MPRIP: variants seen among roughly 807,000 people sequenced by gnomAD.
MPRIP encodes myosin phosphatase Rho interacting protein.
Under a neutral mutation model 234.9 loss-of-function variants are expected in MPRIP, and 59 were observed. The observed-to-expected ratio is 0.25, with a 90% CI of 0.20 to 0.31. The LOEUF (loss-of-function observed/expected upper bound fraction) is 0.31. MPRIP is among the 10% of genes least tolerant of loss of function. The probability of loss-of-function intolerance (pLI) is 1.00; values close to 1 mark genes in which losing one functional copy is unlikely to be tolerated. For missense variants in MPRIP, 2,436 were observed against 3,071.0 expected (o/e 0.79, Z 4.89); for synonymous variants, 1,144 against 1,263.9 (o/e 0.91, Z 2.01).
rs1365619245 is a variant in MPRIP, at chr17:17,080,902, TC to T, written c.267+2827del. Among the ~76,000 whole-genome samples, 4 of 152,022 alleles carry T rather than the reference TC, an allele frequency of 2.6e-5. No individual in the cohort carries two copies. In the East Asian group the frequency reaches 7.7e-4, roughly 29 times the overall value. The stretch of plus-strand genomic sequence containing the variant: ...TGGGCCTGTTTCTGATCTAGAGAGG[TC>T]TACGGGGTTCCCCTGCACACCAGGC... On this transcript the variant is annotated intron_variant, in intron 3 of 23. Transcript: ENST00000651222.
At chr17:17,050,855 C>T (rs116759745) in intron 1 of MPRIP, among the ~76,000 whole-genome samples, 306 of 152,310 alleles carry the variant, frequency 2.0e-3, no homozygotes, top group African/African-American at 6.8e-3. Context: ...GGCAGGCTGG[C>T]GTATCCCCCT....
chr17:17,076,021 G>T, intron 2 of MPRIP: 2 of 480,278 alleles, frequency 4.2e-6, no homozygotes, highest in Non-Finnish European at 7.4e-6. Context: ...GGTGTTGCCT[G>T]TTTTGTGGGT....
At chr17:17,049,870 A>T (rs1472130933) in intron 1 of MPRIP, among the ~76,000 whole-genome samples, 1 of 152,192 alleles carries the variant, frequency 6.6e-6, no homozygotes, top group African/African-American at 2.4e-5. Context: ...GGAAATTTTA[A>T]ATTTTCCAGC....
chr17:17,155,738 C>G (rs552644821), intron 13 of MPRIP, among the ~76,000 whole-genome samples: 23 of 152,380 alleles, frequency 1.5e-4, no homozygotes, highest in Middle Eastern at 6.8e-3. Context: ...AGGTTGCCCT[C>G]TGTCTCTCAG....
intron 22 of MPRIP, chr17:17,179,698 C>T: frequency 3.6e-6 from 1 of 275,040 alleles, no homozygotes; most frequent in Non-Finnish European, 6.8e-6. Context: ...ATTGAGGTCC[C>T]ACACCAGAGT....
intron 3 of MPRIP, among the ~76,000 whole-genome samples, chr17:17,087,261 T>G (rs1015902625): frequency 6.6e-6 from 1 of 151,974 alleles, no homozygotes; most frequent in Admixed American, 6.6e-5. Flanking sequence ...GAACCACAGA[T>G]GTGGACAAGC....
chr17:17,166,141 A>C lies in MPRIP; in HGVS notation c.4550A>C (p.Gln1517Pro). The C allele has an allele frequency of 7.7e-7, 1 of 1,302,114 alleles. No individual in the cohort carries two copies. Among genetic ancestry groups the C allele is most frequent in the Non-Finnish European group, 1.0e-6 (1 of 987,700 alleles). 80.7% of individuals were successfully genotyped at this position (1,302,114 alleles called of 1,614,324 possible). A position where few individuals can be genotyped will look rare whatever the true frequency, so the allele number is the denominator to read the frequency against. ...GAGAGTGCACTCGTCAGCGCCATCC[A>C]AGCCCTGCAGCACTGGCCGGCCCCA... ...SVESALVSAI[Q>P]ALQHWPAPAH... Residue 1517 changes from glutamine (Q) to proline (P), a missense_variant, in exon 16 of 24, where the codon CAA becomes CCA. Gln to Pro is a moderately conservative substitution (Grantham distance 76). Coordinates refer to ENST00000651222, the MANE Select transcript of MPRIP (RefSeq NM_001364716.4). This position sits in a 1 kb window ranked among gnomAD's most constrained non-coding sequence, Gnocchi z 4.4.
intron 4 of MPRIP, among the ~76,000 whole-genome samples, chr17:17,131,367 C>T (rs1322073257): frequency 6.6e-6 from 1 of 152,230 alleles, no homozygotes; most frequent in African/African-American, 2.4e-5. Context: ...AGTTACACAT[C>T]CTATGCTCTG....
chr17:17,191,813 AC>A lies in MPRIP; in HGVS notation c.*6920del, dbSNP rs2046592373. The stretch of plus-strand genomic sequence containing the variant: ...AGAACACTCAGTTCACTACTGTGTT[AC>A]ATTTATATCACAAGCTTCAATTAAA... On this transcript the variant is annotated 3_prime_UTR_variant, in exon 24 of 24. Transcript: ENST00000651222. 2 of 152,256 alleles carry A rather than the reference AC, an allele frequency of 1.3e-5. No homozygotes were observed. The highest frequency in any genetic ancestry group is 4.1e-4 in the South Asian group (2 of 4,838). 9.4% of individuals were successfully genotyped at this position (152,256 alleles called of 1,614,324 possible). A position where few individuals can be genotyped will look rare whatever the true frequency, so the allele number is the denominator to read the frequency against.
At chr17:17,174,248 G>A (rs763702345) in intron 19 of MPRIP, among the ~76,000 whole-genome samples, 173 bp downstream of exon 19, 14 of 152,254 alleles carry the variant, frequency 9.2e-5, no homozygotes, top group East Asian at 1.9e-4. Context: ...CTGCCACCCA[G>A]CGTGGCCATC....
rs4985736 is a variant in MPRIP at position 17,130,780 on chromosome 17, G to A, written c.420-837G>A. On this transcript the variant is annotated intron_variant, in intron 4 of 23. Transcript: ENST00000651222. ...ACTGCCCTCCGCTCCTCCCACCCCC[G>A]TCGTCTAGCCCCCACAGGACTGACA... Among the ~76,000 whole-genome samples, 1,008 of 152,138 alleles carry A rather than the reference G, an allele frequency of 6.6e-3. 15 individuals carry two copies. The highest frequency in any genetic ancestry group is 0.024 in the African/African-American group (979 of 41,496).
chr17:17,078,117 C>A lies in MPRIP; in HGVS notation c.267+41C>A. 6.3e-7 allele frequency: 1 copy of A among 1,599,048 alleles called. No individual in the cohort carries two copies. Among genetic ancestry groups the A allele is most frequent in the African/African-American group, 1.3e-5 (1 of 74,718 alleles). ...GCCCACTCCCTGTCCCCAGCCTTCA[C>A]CAAGTCCCTCCATTACAGTGCCCTT... On this transcript the variant is annotated intron_variant, in intron 3 of 23. Coordinates refer to ENST00000651222, the MANE Select transcript of MPRIP (RefSeq NM_001364716.4). The surrounding 1 kb of genome is among the most constrained non-coding windows in gnomAD (Gnocchi z 4.3).
At chr17:17,052,147 A>G (rs983686892) in intron 1 of MPRIP, among the ~76,000 whole-genome samples, 31 of 152,316 alleles carry the variant, frequency 2.0e-4, no homozygotes, top group East Asian at 1.5e-3. Context: ...CTGCTCAGCA[A>G]TGGGGCCGTG....
intron 3 of MPRIP, among the ~76,000 whole-genome samples, chr17:17,114,212 T>G (rs749357536): frequency 1.8e-4 from 27 of 152,324 alleles, no homozygotes; most frequent in Non-Finnish European, 3.5e-4. Context: ...TTTTTATGTG[T>G]GTCTTGGCCA....
At position 17,078,290 on chromosome 17, in the gene MPRIP, AGTG is replaced by A. The variant is rs2089382822; in HGVS notation, c.267+215_267+217del. ...TGAAACATCATCTTCTGTGGTCTTGAGTGAGAGGAAGAAGTGAGGGAGGAAGTC... is the reference window on the plus strand; with the variant it reads ...TGAAACATCATCTTCTGTGGTCTTGAAGAGGAAGAAGTGAGGGAGGAAGTC... On this transcript the variant is annotated intron_variant, in intron 3 of 23. Coordinates refer to ENST00000651222, the MANE Select transcript of MPRIP (RefSeq NM_001364716.4). This position sits in a 1 kb window ranked among gnomAD's most constrained non-coding sequence, Gnocchi z 4.3. 7.2e-6 allele frequency among the ~76,000 whole-genome samples: 1 copy of A among 139,468 alleles called. No individual in the cohort carries two copies. Among genetic ancestry groups the A allele is most frequent in the African/African-American group, 3.3e-5 (1 of 30,486 alleles). 91.5% of individuals were successfully genotyped at this position (139,468 alleles called of 152,430 possible).
chr17:17,132,768 C>T (rs1282997744), intron 5 of MPRIP, among the ~76,000 whole-genome samples: 1 of 152,208 alleles, frequency 6.6e-6, no homozygotes, highest in Non-Finnish European at 1.5e-5. Context: ...GTGGGGGACA[C>T]CCAAGCCAAC....
At chr17:17,146,686 A>G (rs1042540884) in intron 10 of MPRIP, among the ~76,000 whole-genome samples, 1 of 152,224 alleles carries the variant, frequency 6.6e-6, no homozygotes, top group Non-Finnish European at 1.5e-5. Context: ...GGAGGCATGA[A>G]GAAAAGCCTG....
At chr17:17,084,026 C>T (rs560607606) in intron 3 of MPRIP, among the ~76,000 whole-genome samples, 1 of 152,214 alleles carries the variant, frequency 6.6e-6, no homozygotes, top group Non-Finnish European at 1.5e-5. Context: ...TCTAACCACT[C>T]CATTTGAGAA....
At chr17:17,140,601 C>T (rs1017234255) in intron 7 of MPRIP, among the ~76,000 whole-genome samples, 1 of 152,206 alleles carries the variant, frequency 6.6e-6, no homozygotes. Context: ...ATGGCAGCCA[C>T]AATAGGTGTG....
Sources: gnomAD v4.1 joint callset for allele counts (sites outside exome capture counted in the v4.1 genomes callset) on GRCh38, gnomAD v4.1.1 for gene constraint, Gnocchi (gnomAD v3.1) non-coding constraint, MANE v1.5 for transcripts, NCBI Gene and HGNC (gene_info 2026-07-23, HGNC 2026-07-21) for gene names.